Variants in ATP8B1 observed in about 807,000 individuals in gnomAD.
The protein encoded by ATP8B1 is ATPase phospholipid transporting 8B1.
A neutral mutation model predicts 149.9 loss-of-function variants in ATP8B1; 80 were observed. The ratio of observed to expected loss-of-function variants is 0.53; its 90% CI spans 0.45 to 0.64. The LOEUF is 0.64. ATP8B1 is among the 30% of genes least tolerant of loss of function. ATP8B1 has a pLI of 0.00. For missense variants in ATP8B1, 1,247 were observed against 1,552.6 expected, an observed-to-expected ratio of 0.80 and a Z score of 3.31; for synonymous variants, 536 against 562.8, an observed-to-expected ratio of 0.95 and a Z score of 0.67.
intron 1 of ATP8B1, among the ~76,000 whole-genome samples, chr18:57,747,180 T>C (rs993716659): frequency 2.6e-5 from 4 of 152,112 alleles, no homozygotes; most frequent in African/African-American, 9.7e-5. Context: ...AGGCCGGGCG[T>C]GGTGGCTCAT....
intron 22 of ATP8B1, among the ~76,000 whole-genome samples, chr18:57,656,211 T>G (rs1234061504): frequency 1.3e-5 from 2 of 152,070 alleles, no homozygotes; most frequent in African/African-American, 2.4e-5. Context: ...GTATGAATCT[T>G]TTCTTGCTTA....
chr18:57,652,110 T>G lies in ATP8B1; in HGVS notation c.3324A>C (p.Ala1108=). 6.2e-7 allele frequency: 1 copy of G among 1,613,928 alleles called. No individual in the cohort carries two copies. Among genetic ancestry groups the G allele is most frequent in the Non-Finnish European group, 8.5e-7 (1 of 1,179,826 alleles). Residue 1108 remains alanine, a synonymous_variant, in exon 26 of 28, where the codon GCA becomes GCC. Transcript: ENST00000648908. ...VNAFSIFGSI[A]LYFGIMFDFH... ...AGTCAAACATGATGCCAAAATAAAG[T>G]GCAATGCTTCCAAAAATTGAAAAAG... is the stretch of plus-strand genomic sequence containing the variant.
At chr18:57,787,009 A>G (rs564670095) in intron 1 of ATP8B1, among the ~76,000 whole-genome samples, 1 of 152,304 alleles carries the variant, frequency 6.6e-6, no homozygotes, top group Admixed American at 6.5e-5. Context: ...CAAATTTGAG[A>G]GTTTACAAAG....
chr18:57,772,385 G>A (rs1031985132), intron 1 of ATP8B1, among the ~76,000 whole-genome samples: 6 of 152,170 alleles, frequency 3.9e-5, no homozygotes, highest in African/African-American at 1.4e-4. Flanking sequence ...AAAGTGAGAG[G>A]AGAAAGGCAT....
intron 1 of ATP8B1, among the ~76,000 whole-genome samples, chr18:57,763,001 A>G (rs73959347): frequency 0.011 from 1,625 of 152,338 alleles, 31 homozygotes; most frequent in African/African-American, 0.037. Flanking sequence ...AAGAATGAGA[A>G]TCTAAGTGAG....
In ATP8B1 at chr18:57,688,444, A is replaced by G; in HGVS notation, c.1284T>C (p.Ala428=). 6.2e-7 allele frequency: 1 copy of G among 1,614,194 alleles called. No individual in the cohort carries two copies. The highest frequency in any genetic ancestry group is 8.5e-7 in the Non-Finnish European group (1 of 1,180,030). The part of the protein sequence containing the change: ...FINWDLQMYY[A]EKDTPAKART... ...TAGCTTTTGCGGGTGTGTCCTTCTC[A>G]GCATAGTACATTTGCAGGTCCCAGT... Residue 428 remains alanine, a synonymous_variant, in exon 13 of 28, where the codon GCT becomes GCC. Transcript: ENST00000648908.
chr18:57,754,451 T>A (rs1232897597), intron 1 of ATP8B1, among the ~76,000 whole-genome samples: 47 of 151,284 alleles, frequency 3.1e-4, no homozygotes, highest in African/African-American at 1.0e-3. Context: ...AAAAAATATA[T>A]ATATATATAT....
intron 8 of ATP8B1, among the ~76,000 whole-genome samples, chr18:57,696,735 C>T (rs941631605): frequency 1.3e-5 from 2 of 152,120 alleles, no homozygotes; most frequent in Non-Finnish European, 2.9e-5. Flanking sequence ...TGACCTTGGG[C>T]GGGCTGCTGC....
At chr18:57,759,727 G>C (rs969879926) in intron 1 of ATP8B1, among the ~76,000 whole-genome samples, 8 of 151,948 alleles carry the variant, frequency 5.3e-5, no homozygotes, top group Non-Finnish European at 1.2e-4. Context: ...GCTGAGGCAG[G>C]AGAACGGCAT....
rs112581755 is a variant in ATP8B1, at chr18:57,749,550, C to T, written c.-25-17718G>A. Among the ~76,000 whole-genome samples, 605 of 152,190 alleles carry T rather than the reference C, an allele frequency of 4.0e-3. 6 individuals carry two copies. Among genetic ancestry groups the T allele is most frequent in the African/African-American group, 0.014 (576 of 41,542 alleles). ...AGCTCTTATATATTCAACATGTTAC[C>T]AACCTGAAAACTTACCCCCGAATTA... is the stretch of plus-strand genomic sequence containing the variant. On this transcript the variant is annotated intron_variant, in intron 1 of 27. Transcript: ENST00000648908.
Position 57,688,185 on chromosome 18 carries a change from C to T in ATP8B1, c.1429+114G>A, listed in dbSNP as rs17063971. 5,184 of 1,170,046 alleles carry T rather than the reference C, an allele frequency of 4.4e-3. 145 individuals are homozygous for T. The African/African-American group carries it at 0.067, about 15-fold the overall frequency. The allele number at this position is 1,170,046 out of a possible 1,614,324, so 72.5% of individuals were successfully genotyped here. On this transcript the variant is annotated intron_variant, in intron 13 of 27. Transcript: ENST00000648908. ...CTGGAGAATGGCCCTAGCAGCAGGA[C>T]TCTGCATCGAGAGGGCACCAGCAAT... is the stretch of plus-strand genomic sequence containing the variant.
intron 1 of ATP8B1, among the ~76,000 whole-genome samples, chr18:57,764,395 C>T (rs918209344): frequency 2.1e-5 from 3 of 141,194 alleles, no homozygotes; most frequent in East Asian, 2.1e-4. Flanking sequence ...CTCTCTTTCT[C>T]TCTTTCTTTC....
chr18:57,697,785 G>A lies in ATP8B1; in HGVS notation c.627+10C>T, dbSNP rs145823405. On this transcript the variant is annotated intron_variant, in intron 7 of 27. Transcript: ENST00000648908. Reference sequence around the variant, plus strand: ...ACAAGGAACAAGAGAAGCAGAATTTGTTCACTTACTGGAACAAAATCATTT... The same window carrying A: ...ACAAGGAACAAGAGAAGCAGAATTTATTCACTTACTGGAACAAAATCATTT... 4 of 1,613,400 alleles carry A rather than the reference G, an allele frequency of 2.5e-6. No homozygotes were observed. Among genetic ancestry groups the A allele is most frequent in the African/African-American group, 2.7e-5 (2 of 74,924 alleles).
At chr18:57,662,398 G>A in intron 21 of ATP8B1, 85 bp downstream of exon 21, 1 of 1,547,976 alleles carries the variant, frequency 6.5e-7, no homozygotes, top group Admixed American at 1.7e-5. Flanking sequence ...TAGGTTGGCA[G>A]TTAACATGTG....
intron 2 of ATP8B1, among the ~76,000 whole-genome samples, chr18:57,716,474 A>C (rs895692033): frequency 6.6e-6 from 1 of 152,178 alleles, no homozygotes; most frequent in Non-Finnish European, 1.5e-5. Flanking sequence ...ACCTGGACTG[A>C]AAATGAAGGG....
At chr18:57,698,862 C>T (rs546329724) in intron 6 of ATP8B1, among the ~76,000 whole-genome samples, 1 of 152,216 alleles carries the variant, frequency 6.6e-6, no homozygotes, top group African/African-American at 2.4e-5. Flanking sequence ...TGAATTTTCC[C>T]TTCCCTGTAC....
intron 8 of ATP8B1, among the ~76,000 whole-genome samples, chr18:57,696,748 C>T (rs993903090): frequency 4.6e-5 from 7 of 152,180 alleles, no homozygotes; most frequent in Admixed American, 4.6e-4. Context: ...GCTGCTGCAC[C>T]TCCCTGGGCC....
intron 1 of ATP8B1, among the ~76,000 whole-genome samples, chr18:57,754,664 C>T (rs2080060407): frequency 6.6e-6 from 1 of 152,096 alleles, no homozygotes; most frequent in African/African-American, 2.4e-5. Flanking sequence ...GGAGAAGAAA[C>T]ACATCACCAA....
At position 57,696,543 on chromosome 18, in the gene ATP8B1, C is replaced by A. The variant is rs541888406; in HGVS notation, c.699-1011G>T. On this transcript the variant is annotated intron_variant, in intron 8 of 27. Transcript: ENST00000648908. The stretch of plus-strand genomic sequence containing the variant: ...GTTAATTGGCTTTAAGTATTTTTTT[C>A]CGCCAAAAAAAAAAAAAAAGTGTGA... 2.3e-4 allele frequency among the ~76,000 whole-genome samples: 10 copies of A among 44,326 alleles called. No homozygotes were observed. The South Asian group carries it at 5.3e-3, about 23-fold the overall frequency. 29.1% of individuals were successfully genotyped at this position (44,326 alleles called of 152,430 possible). A position where few individuals can be genotyped will look rare whatever the true frequency, so the allele number is the denominator to read the frequency against.
Sources: gnomAD v4.1 joint callset for allele counts (sites outside exome capture counted in the v4.1 genomes callset) on GRCh38, gnomAD v4.1.1 for gene constraint, MANE v1.5 for transcripts, NCBI Gene and HGNC (gene_info 2026-07-23, HGNC 2026-07-21) for gene names.